The following TOP1 variants were observed in gnomAD, a reference collection of about 807,000 sequenced individuals.
TOP1 encodes DNA topoisomerase I.
TOP1 carries 10 observed loss-of-function variants against 111.1 expected under a neutral mutation model. That is an observed-to-expected ratio of 0.09 (90% CI 0.06 to 0.15). The LOEUF is 0.15. TOP1 is among the 10% of genes least tolerant of loss of function. The pLI is 1.00. For synonymous variants in TOP1, 271 were observed against 302.9 expected, an observed-to-expected ratio of 0.89 and a Z score of 1.10; for missense variants, 474 against 926.7, an observed-to-expected ratio of 0.51 and a Z score of 6.34.
intron 3 of TOP1, among the ~76,000 whole-genome samples, chr20:41,075,053 TAC>T (rs2033709979): frequency 1.3e-5 from 2 of 152,228 alleles, no homozygotes; most frequent in South Asian, 2.1e-4. Context: ...TTTGATATAT[TAC>T]AGTTTCCCCT....
At chr20:41,081,926 T>C (rs1403906527) in intron 7 of TOP1, among the ~76,000 whole-genome samples, 1 of 152,258 alleles carries the variant, frequency 6.6e-6, no homozygotes, top group Admixed American at 6.5e-5. Flanking sequence ...CAGTTCCGTT[T>C]AAATGCTTTC....
intron 8 of TOP1, among the ~76,000 whole-genome samples, chr20:41,090,541 T>C (rs764579236): frequency 6.6e-6 from 1 of 151,824 alleles, no homozygotes; most frequent in Non-Finnish European, 1.5e-5. Flanking sequence ...GTCTCTCTGT[T>C]GCCCAGGCTG....
intron 3 of TOP1, among the ~76,000 whole-genome samples, chr20:41,073,938 T>C (rs2033696217): frequency 6.6e-6 from 1 of 152,194 alleles, no homozygotes. Flanking sequence ...GGCAAAACCT[T>C]GTATAGATGA....
intron 2 of TOP1, among the ~76,000 whole-genome samples, chr20:41,060,416 A>G (rs1052322599): frequency 2.6e-5 from 4 of 152,238 alleles, no homozygotes; most frequent in Non-Finnish European, 5.9e-5. Context: ...AATAAATCCT[A>G]TATGATGTTA....
intron 8 of TOP1, among the ~76,000 whole-genome samples, chr20:41,086,971 A>G (rs1234047409): frequency 6.6e-6 from 1 of 152,198 alleles, no homozygotes; most frequent in African/African-American, 2.4e-5. Flanking sequence ...AGTGACTGCC[A>G]CTGATGACCT....
intron 3 of TOP1, chr20:41,073,574 T>C (rs2033692112): frequency 1.4e-6 from 1 of 727,736 alleles, no homozygotes; most frequent in African/African-American, 1.9e-5. Flanking sequence ...TAGGTATCAA[T>C]TTAGTGGAAA....
chr20:41,080,220 AG>A lies in TOP1; in HGVS notation c.431+42del. On this transcript the variant is annotated intron_variant, in intron 6 of 20. Transcript: ENST00000361337. The surrounding 1 kb of genome is among the most constrained non-coding windows in gnomAD (Gnocchi z 5.0). ...AAAACTTTGACTTTTGAAAACAAAA[AG>A]GAGGAGTTTAAAGAATAAATGTGAT... The A allele has an allele frequency of 2.4e-6, 3 of 1,241,844 alleles. No homozygotes were observed. The allele number at this position is 1,241,844 out of a possible 1,614,324, so 76.9% of individuals were successfully genotyped here. A position where few individuals can be genotyped will look rare whatever the true frequency, so the allele number is the denominator to read the frequency against.
At chr20:41,064,193 T>C (rs1406551475) in intron 3 of TOP1, among the ~76,000 whole-genome samples, 1 of 152,190 alleles carries the variant, frequency 6.6e-6, no homozygotes, top group East Asian at 1.9e-4. Flanking sequence ...CTTATTTTGG[T>C]TGACTTTCTT....
chr20:41,038,602 C>G (rs972142282), intron 2 of TOP1, among the ~76,000 whole-genome samples: 49 of 152,150 alleles, frequency 3.2e-4, no homozygotes, highest in African/African-American at 1.1e-3. Flanking sequence ...TACTGACTTG[C>G]TTTGACTTTG....
chr20:41,122,221 C>A lies in TOP1; in HGVS notation c.2195+66C>A. 6.5e-7 allele frequency: 1 copy of A among 1,540,596 alleles called. No homozygotes were observed. The highest frequency in any genetic ancestry group is 8.9e-7 in the Non-Finnish European group (1 of 1,123,598). ...AGAAAGGTGGAGGGGGTTCCGAGAG[C>A]ACTGGTGGCCTTCACATGCCATTCC... On this transcript the variant is annotated intron_variant, in intron 20 of 20. Transcript: ENST00000361337. The surrounding 1 kb of genome is among the most constrained non-coding windows in gnomAD (Gnocchi z 5.4).
rs745462125 is a variant in TOP1 at position 41,067,988 on chromosome 20, T to G, written c.155+6498T>G. On this transcript the variant is annotated intron_variant, in intron 3 of 20. Coordinates refer to ENST00000361337, the MANE Select transcript of TOP1 (RefSeq NM_003286.4). The surrounding 1 kb of genome is among the most constrained non-coding windows in gnomAD (Gnocchi z 4.0). ...TCACATGCTCTAAGTCCCACAGTGATGTGGTAGCAGAAAGAAGAGGATGTG... is the reference window on the plus strand; with the variant it reads ...TCACATGCTCTAAGTCCCACAGTGAGGTGGTAGCAGAAAGAAGAGGATGTG... Among the ~76,000 whole-genome samples, 7 of 152,226 alleles carry G rather than the reference T, an allele frequency of 4.6e-5. No homozygotes were observed. Among genetic ancestry groups the G allele is most frequent in the Non-Finnish European group, 8.8e-5 (6 of 68,034 alleles).
Position 41,079,455 on chromosome 20 carries a change from T to C in TOP1, c.336-630T>C, listed in dbSNP as rs1274711770. ...CTTAACAAATAGTAGTGAGACACTC[T>C]TCTGTATATAAAGTAAACCTAAGTT... On this transcript the variant is annotated intron_variant, in intron 5 of 20. Coordinates refer to ENST00000361337, the MANE Select transcript of TOP1 (RefSeq NM_003286.4). The surrounding 1 kb of genome is among the most constrained non-coding windows in gnomAD (Gnocchi z 4.0). Among the ~76,000 whole-genome samples, 2 of 152,224 alleles carry C rather than the reference T, an allele frequency of 1.3e-5. No individual in the cohort carries two copies. The highest frequency in any genetic ancestry group is 1.3e-4 in the Admixed American group (2 of 15,284).
chr20:41,081,289 G>A (rs2145938405), intron 7 of TOP1, 49 bp downstream of exon 7: 1 of 1,552,806 alleles, frequency 6.4e-7, no homozygotes, highest in Non-Finnish European at 8.7e-7. Flanking sequence ...GGAAGTGGGA[G>A]TTTTCCAGTA....
intron 2 of TOP1, among the ~76,000 whole-genome samples, chr20:41,037,870 A>G (rs1284212306): frequency 6.6e-6 from 1 of 152,240 alleles, no homozygotes; most frequent in Non-Finnish European, 1.5e-5. Flanking sequence ...CAACAGGCGC[A>G]GACTTAAATT....
intron 2 of TOP1, among the ~76,000 whole-genome samples, chr20:41,038,943 C>T (rs1184127321): frequency 6.6e-6 from 1 of 151,486 alleles, no homozygotes; most frequent in African/African-American, 2.4e-5. Context: ...GAGCCGTGAG[C>T]ATGCCACTGT....
intron 2 of TOP1, among the ~76,000 whole-genome samples, chr20:41,035,171 A>G (rs1395294579): frequency 6.6e-6 from 1 of 152,180 alleles, no homozygotes; most frequent in Non-Finnish European, 1.5e-5. Context: ...GGCATGAGCC[A>G]CTGTGCCTGA....
chr20:41,044,299 A>G (rs569980670), intron 2 of TOP1, among the ~76,000 whole-genome samples: 1 of 152,294 alleles, frequency 6.6e-6, no homozygotes, highest in South Asian at 2.1e-4. Flanking sequence ...AAAGAAATGC[A>G]ATTGCCCATC....
chr20:41,117,061 G>C (rs958026807), intron 17 of TOP1, among the ~76,000 whole-genome samples: 4 of 152,096 alleles, frequency 2.6e-5, no homozygotes, highest in African/African-American at 4.8e-5. Flanking sequence ...TTTTAAATAA[G>C]ATACTACCAG....
chr20:41,056,691 A>G (rs1476460076), intron 2 of TOP1, among the ~76,000 whole-genome samples: 2 of 152,176 alleles, frequency 1.3e-5, no homozygotes, highest in Non-Finnish European at 1.5e-5. Flanking sequence ...TATGTTGCCC[A>G]GGCTGGTCTC....
Sources: allele counts gnomAD v4.1 joint callset (sites outside exome capture counted in the v4.1 genomes callset), GRCh38; gene constraint gnomAD v4.1.1; non-coding constraint Gnocchi (gnomAD v3.1); transcripts MANE v1.5; gene names NCBI Gene and HGNC (gene_info 2026-07-23, HGNC 2026-07-21).